The following RAPGEF1 variants were observed in gnomAD, a reference collection of about 807,000 sequenced individuals.
The protein encoded by RAPGEF1 is Rap guanine nucleotide exchange factor 1.
A neutral mutation model predicts 143.3 loss-of-function variants in RAPGEF1; 33 were observed. The ratio of observed to expected loss-of-function variants is 0.23; its 90% CI spans 0.17 to 0.31. The LOEUF (loss-of-function observed/expected upper bound fraction) is 0.31, where lower values mean the gene tolerates loss of function less well. RAPGEF1 is among the 10% of genes least tolerant of loss of function. The probability of loss-of-function intolerance (pLI) is 1.00; values close to 1 mark genes in which losing one functional copy is unlikely to be tolerated. For missense variants in RAPGEF1, 1,199 were observed against 1,645.4 expected (o/e 0.73, Z 4.69); for synonymous variants, 629 against 676.5 (o/e 0.93, Z 1.09).
chr9:131,607,179 G>A (rs1957248920), intron 12 of RAPGEF1, among the ~76,000 whole-genome samples: 1 of 152,130 alleles, frequency 6.6e-6, no homozygotes, highest in Admixed American at 6.5e-5. Flanking sequence ...CCAACCCTAT[G>A]CCATGGTCAA....
chr9:131,736,594 G>A (rs921842249), intron 1 of RAPGEF1, among the ~76,000 whole-genome samples: 1 of 152,192 alleles, frequency 6.6e-6, no homozygotes, highest in African/African-American at 2.4e-5. Context: ...ATCTCCCCCA[G>A]GGGTTAAGGA....
chr9:131,598,358 C>A (rs754683787), intron 15 of RAPGEF1, 48 bp from the exon 16 acceptor site: 2 of 1,529,592 alleles, frequency 1.3e-6, no homozygotes, highest in Non-Finnish European at 1.8e-6. Flanking sequence ...CGGCTCAGCT[C>A]CCGATGCCTG....
Position 131,621,982 on chromosome 9 carries a change from C to T in RAPGEF1, c.1719G>A (p.Gln573=), listed in dbSNP as rs1056034960. 3 of 1,613,190 alleles carry T rather than the reference C, an allele frequency of 1.9e-6. No individual in the cohort carries two copies. The highest frequency in any genetic ancestry group is 2.5e-6 in the Non-Finnish European group (3 of 1,179,590). Residue 573 remains glutamine, a synonymous_variant, in exon 11 of 27, where the codon CAG becomes CAA. Transcript: ENST00000683357. The surrounding 1 kb of genome is among the most constrained non-coding windows in gnomAD (Gnocchi z 4.5). ...KKNKHMLAYM[Q]LLEDYSEPQP... is the part of the protein sequence containing the mutation. The stretch of plus-strand genomic sequence containing the variant: ...GCGGCTCCGAGTAGTCCTCCAGCAA[C>T]TGCATGTAGGCCAGCACTGTGAAAC...
chr9:131,703,521 C>T (rs1834822553), intron 1 of RAPGEF1, among the ~76,000 whole-genome samples: 1 of 152,196 alleles, frequency 6.6e-6, no homozygotes, highest in Admixed American at 6.5e-5. Flanking sequence ...CTCCTTCATC[C>T]TCACAACATC....
rs562482341 is a variant in RAPGEF1 at position 131,605,767 on chromosome 9, T to C, written c.2062-579A>G. The stretch of plus-strand genomic sequence containing the variant: ...CATTTTTTTCTTTCTTTCTTTCTTT[T>C]TTTTTTTTTTTAACAAATGAAGTAG... On this transcript the variant is annotated intron_variant, in intron 12 of 26. Transcript: ENST00000683357. 4.0e-5 allele frequency among the ~76,000 whole-genome samples: 6 copies of C among 148,648 alleles called. No individual in the cohort carries two copies. The South Asian group carries it at 6.5e-4, about 16-fold the overall frequency.
intron 1 of RAPGEF1, among the ~76,000 whole-genome samples, chr9:131,677,323 G>A (rs1332451061): frequency 6.6e-6 from 1 of 152,210 alleles, no homozygotes; most frequent in Non-Finnish European, 1.5e-5. Flanking sequence ...CATGCAAGTA[G>A]AGATGCAATG....
chr9:131,674,397 T>C (rs1327427361), intron 1 of RAPGEF1, among the ~76,000 whole-genome samples: 1 of 152,166 alleles, frequency 6.6e-6, no homozygotes, highest in Non-Finnish European at 1.5e-5. Context: ...TGCTTTAAAA[T>C]TCTGCCCTCT....
At position 131,626,358 on chromosome 9, in the gene RAPGEF1, C is replaced by T. The variant is rs1456250966; in HGVS notation, c.1266G>A (p.Gln422=). ...ACGGGCTAAGGTTCCAGGCCGTCTG[C>T]TGAGGTATCTGGTCTGCGTTAGAGA... ...QDLSNADQIP[Q]QTAWNLSPLP... is the part of the protein sequence containing the mutation. The change falls in exon 10 of 27, where the codon CAG becomes CAA. Residue 422 remains glutamine (Q), a synonymous_variant. Transcript: ENST00000683357. 1.2e-6 allele frequency: 2 copies of T among 1,613,946 alleles called. No individual in the cohort carries two copies. The highest frequency in any genetic ancestry group is 1.6e-4 in the Middle Eastern group (1 of 6,062).
intron 1 of RAPGEF1, among the ~76,000 whole-genome samples, chr9:131,656,641 A>G (rs1055033279): frequency 4.6e-5 from 7 of 152,158 alleles, no homozygotes; most frequent in African/African-American, 1.7e-4. Flanking sequence ...TCAGGCAGGC[A>G]TGGGGCTGAG....
At chr9:131,610,415 G>A (rs534306590) in intron 12 of RAPGEF1, among the ~76,000 whole-genome samples, 3 of 152,322 alleles carry the variant, frequency 2.0e-5, no homozygotes, top group East Asian at 3.9e-4. Context: ...CAGTTACAGC[G>A]AAATGTGGTC....
At chr9:131,595,251 C>G (rs1461382020) in intron 17 of RAPGEF1, among the ~76,000 whole-genome samples, 1 of 152,228 alleles carries the variant, frequency 6.6e-6, no homozygotes, top group Non-Finnish European at 1.5e-5. Context: ...TCAGAACAAA[C>G]AAAGGGTGAG....
rs548577295 is a variant in RAPGEF1, at chr9:131,615,363, T to C, written c.2061+3688A>G. ...TGCTGGGATTGCAGGCGTGAGCCAC[T>C]GCACCCAGCCGGAGGAAGGTGTTTT... On this transcript the variant is annotated intron_variant, in intron 12 of 26. Transcript: ENST00000683357. 3.6e-3 allele frequency among the ~76,000 whole-genome samples: 544 copies of C among 152,276 alleles called. 6 individuals are homozygous for C. Among genetic ancestry groups the C allele is most frequent in the Middle Eastern group, 6.8e-3 (2 of 294 alleles).
intron 1 of RAPGEF1, among the ~76,000 whole-genome samples, chr9:131,729,961 G>A (rs1431858725): frequency 6.6e-6 from 1 of 152,192 alleles, no homozygotes; most frequent in South Asian, 2.1e-4. Context: ...TTGGGAGGCC[G>A]AGGCGGGCAG....
intron 15 of RAPGEF1, among the ~76,000 whole-genome samples, chr9:131,601,171 CAAAAAA>C (rs11305443): frequency 5.0e-5 from 4 of 79,420 alleles, no homozygotes; most frequent in African/African-American, 2.1e-4. Flanking sequence ...GACTCCGTCT[CAAAAAA>C]AAAAAAAAAA....
rs1380405203 is a variant in RAPGEF1, at chr9:131,588,787, G to A, written c.3053+14C>T. 1.9e-6 allele frequency: 3 copies of A among 1,605,258 alleles called. No homozygotes were observed. The East Asian group carries it at 6.7e-5, about 36-fold the overall frequency. On this transcript the variant is annotated intron_variant, in intron 20 of 26. Coordinates refer to ENST00000683357, the MANE Select transcript of RAPGEF1 (RefSeq NM_001377935.1). ...CCTGGGGAAGAGGCAGGGCTGGAGAGGTGGGCTTCTCACCTGGCTGCTACC... is the reference window on the plus strand; with the variant it reads ...CCTGGGGAAGAGGCAGGGCTGGAGAAGTGGGCTTCTCACCTGGCTGCTACC...
intron 17 of RAPGEF1, among the ~76,000 whole-genome samples, chr9:131,594,093 G>T (rs1336270901): frequency 3.9e-5 from 6 of 152,162 alleles, no homozygotes. Flanking sequence ...ATGTGGCGGG[G>T]TCGGCGCCCA....
At chr9:131,585,146 C>A (rs1282387962) in intron 22 of RAPGEF1, among the ~76,000 whole-genome samples, 2 of 152,182 alleles carry the variant, frequency 1.3e-5, no homozygotes, top group Non-Finnish European at 2.9e-5. Flanking sequence ...TTCACAGGGG[C>A]CACTACCAGG....
chr9:131,703,339 C>T (rs1834806897), intron 1 of RAPGEF1, among the ~76,000 whole-genome samples: 1 of 152,136 alleles, frequency 6.6e-6, no homozygotes, highest in African/African-American at 2.4e-5. Flanking sequence ...CATGCATTTT[C>T]TTGTTTGCAT....
In RAPGEF1 at chr9:131,588,757, C is replaced by A. The variant is rs549996439; in HGVS notation, c.3053+44G>T. The A allele has an allele frequency of 3.3e-5, 52 of 1,556,658 alleles. No homozygotes were observed. In the East Asian group the frequency reaches 1.1e-3, roughly 34 times the overall value. On this transcript the variant is annotated intron_variant, in intron 20 of 26. Coordinates refer to ENST00000683357, the MANE Select transcript of RAPGEF1 (RefSeq NM_001377935.1). Reference sequence around the variant, plus strand: ...GAGGGAGGGTAAACTGAGAAAGGCACGGCTCCTGGGGAAGAGGCAGGGCTG... The same window carrying A: ...GAGGGAGGGTAAACTGAGAAAGGCAAGGCTCCTGGGGAAGAGGCAGGGCTG...
Sources: allele counts gnomAD v4.1 joint callset (sites outside exome capture counted in the v4.1 genomes callset), GRCh38; gene constraint gnomAD v4.1.1; non-coding constraint Gnocchi (gnomAD v3.1); transcripts MANE v1.5; gene names NCBI Gene and HGNC (gene_info 2026-07-23, HGNC 2026-07-21).